DRG1: variants seen among roughly 807,000 people sequenced by gnomAD.
DRG1 encodes developmentally-regulated GTP-binding protein 1.
A neutral mutation model predicts 38.8 loss-of-function variants in DRG1; 19 were observed. The ratio of observed to expected loss-of-function variants is 0.49; its 90% CI spans 0.34 to 0.72. DRG1 has a LOEUF of 0.72. DRG1 is among the 30% of genes least tolerant of loss of function. The pLI is 0.01. For missense variants in DRG1, 299 were observed against 444.8 expected, an observed-to-expected ratio of 0.67 and a Z score of 2.95; for synonymous variants, 167 against 157.5, an observed-to-expected ratio of 1.06 and a Z score of -0.45.
intron 3 of DRG1, among the ~76,000 whole-genome samples, chr22:31,406,739 CTGT>C (rs911580833): frequency 2.0e-5 from 3 of 152,022 alleles, no homozygotes; most frequent in Non-Finnish European, 2.9e-5. Context: ...CCTGCTTCTC[CTGT>C]TGTTAACATC....
intron 4 of DRG1, among the ~76,000 whole-genome samples, chr22:31,415,171 A>G (rs2050037677): frequency 6.6e-6 from 1 of 152,172 alleles, no homozygotes; most frequent in Non-Finnish European, 1.5e-5. Context: ...CTTAAATTCT[A>G]TGTCTAATAT....
intron 4 of DRG1, among the ~76,000 whole-genome samples, chr22:31,411,353 T>C (rs2050017044): frequency 6.6e-6 from 1 of 151,964 alleles, no homozygotes; most frequent in African/African-American, 2.4e-5. Context: ...GAGTCTGTAT[T>C]GGACAATGCA....
chr22:31,434,427 T>TCGA lies in DRG1; in HGVS notation c.*456_*457insCGA, dbSNP rs984344828. 2.5e-5 allele frequency: 4 copies of TCGA among 158,988 alleles called. No individual in the cohort carries two copies. The highest frequency in any genetic ancestry group is 9.6e-5 in the African/African-American group (4 of 41,478). 9.8% of individuals were successfully genotyped at this position (158,988 alleles called of 1,614,324 possible). On this transcript the variant is annotated 3_prime_UTR_variant, in exon 9 of 9. Coordinates refer to ENST00000331457, the MANE Select transcript of DRG1 (RefSeq NM_004147.4). ...TACTGGAGAGAGGAAGGACTTTATG[T>TCGA]AAGTTAATTGATCACTCCCCGCAAG...
intron 5 of DRG1, among the ~76,000 whole-genome samples, chr22:31,422,138 G>A (rs1320631252): frequency 1.4e-5 from 2 of 147,864 alleles, no homozygotes; most frequent in East Asian, 4.1e-4. Context: ...AGAAAGAAAA[G>A]AAAAGAGAAT....
chr22:31,419,383 TCTTA>T (rs1187119041), intron 4 of DRG1, among the ~76,000 whole-genome samples: 8 of 151,488 alleles, frequency 5.3e-5, no homozygotes, highest in Non-Finnish European at 1.0e-4. Flanking sequence ...ACAGATTGAA[TCTTA>T]CTTTGTTGCA....
At chr22:31,408,752 CAAAA>C (rs66474618) in intron 3 of DRG1, among the ~76,000 whole-genome samples, 6 of 111,484 alleles carry the variant, frequency 5.4e-5, no homozygotes, top group Admixed American at 1.0e-4. Flanking sequence ...GACTCATTCT[CAAAA>C]AAAAAAAAAA....
chr22:31,406,597 C>T (rs1335548540), intron 3 of DRG1, among the ~76,000 whole-genome samples: 2 of 151,706 alleles, frequency 1.3e-5, no homozygotes, highest in Non-Finnish European at 2.9e-5. Context: ...ATTGCTTGAA[C>T]CTGGGAGGCA....
intron 2 of DRG1, among the ~76,000 whole-genome samples, chr22:31,401,606 A>G (rs982632402): frequency 5.4e-5 from 8 of 148,474 alleles, no homozygotes; most frequent in Non-Finnish European, 1.2e-4. Context: ...AAAAAAAAAA[A>G]GTATCCTAGC....
At chr22:31,422,626 A>G (rs1182375551) in intron 5 of DRG1, among the ~76,000 whole-genome samples, 1 of 152,218 alleles carries the variant, frequency 6.6e-6, no homozygotes, top group African/African-American at 2.4e-5. Context: ...AACACTTCAG[A>G]GCCCAGATGA....
chr22:31,422,008 G>A (rs1439296746), intron 5 of DRG1, among the ~76,000 whole-genome samples: 2 of 151,916 alleles, frequency 1.3e-5, no homozygotes, highest in Non-Finnish European at 2.9e-5. Flanking sequence ...TCAGCTACTC[G>A]GGAGGCTGAG....
chr22:31,427,758 A>G (rs1401710992), intron 8 of DRG1, among the ~76,000 whole-genome samples: 1 of 151,968 alleles, frequency 6.6e-6, no homozygotes, highest in Non-Finnish European at 1.5e-5. Flanking sequence ...TTTTTGAGAC[A>G]GTCTCGCTTT....
chr22:31,416,476 G>A (rs34545960), intron 4 of DRG1, among the ~76,000 whole-genome samples: 34,442 of 152,078 alleles, frequency 0.23, 5,021 homozygotes, highest in East Asian at 0.46. Flanking sequence ...CTGGCCGTCC[G>A]GGTGTGGTGG....
Position 31,426,747 on chromosome 22 carries a change from G to A in DRG1, c.846G>A (p.Leu282=), listed in dbSNP as rs139928686. The change falls in exon 7 of 9, where the codon TTG becomes TTA. Residue 282 remains leucine, a synonymous_variant. Transcript: ENST00000331457. ...ACCGCTGGAATTTTGATGACCTATT[G>A]GAAAAGATCTGGGACTATCTGAAAC... ...AHHRWNFDDL[L]EKIWDYLKLV... 106 of 1,613,964 alleles carry A rather than the reference G, an allele frequency of 6.6e-5. No homozygotes were observed. The African/African-American group carries it at 1.3e-3, about 20-fold the overall frequency.
intron 6 of DRG1, among the ~76,000 whole-genome samples, chr22:31,425,440 C>CTT (rs34249543): frequency 1.1e-4 from 15 of 137,206 alleles, no homozygotes; most frequent in Non-Finnish European, 1.4e-4. Flanking sequence ...TGATACATTA[C>CTT]TTTTTTTTTT....
chr22:31,416,764 A>G (rs1243479200), intron 4 of DRG1, among the ~76,000 whole-genome samples: 2 of 151,998 alleles, frequency 1.3e-5, no homozygotes, highest in East Asian at 3.9e-4. Flanking sequence ...TTAGCTGGGC[A>G]TGGTGGCGTG....
intron 4 of DRG1, among the ~76,000 whole-genome samples, chr22:31,415,564 G>A (rs574669204): frequency 3.3e-5 from 5 of 152,268 alleles, no homozygotes; most frequent in Admixed American, 1.3e-4. Context: ...GTTTCACCAT[G>A]TTGGCCAGGC....
intron 3 of DRG1, 42 bp downstream of exon 3, chr22:31,403,246 C>T: frequency 6.4e-7 from 1 of 1,551,398 alleles, no homozygotes; most frequent in Non-Finnish European, 8.7e-7. Context: ...GAAATCTATT[C>T]TTCATTTAGG....
chr22:31,418,301 GA>G (rs910933343), intron 4 of DRG1, among the ~76,000 whole-genome samples: 12 of 151,918 alleles, frequency 7.9e-5, no homozygotes, highest in Non-Finnish European at 1.2e-4. Context: ...TTAAAAAAAA[GA>G]AAAAAATAGC....
intron 6 of DRG1, among the ~76,000 whole-genome samples, chr22:31,426,142 G>A (rs1371057677): frequency 2.6e-5 from 4 of 152,134 alleles, no homozygotes; most frequent in African/African-American, 9.7e-5. Context: ...GACTTTCCTA[G>A]GGACACATAA....
Sources: gnomAD v4.1 joint callset for allele counts (sites outside exome capture counted in the v4.1 genomes callset) on GRCh38, gnomAD v4.1.1 for gene constraint, MANE v1.5 for transcripts, NCBI Gene and HGNC (gene_info 2026-07-23, HGNC 2026-07-21) for gene names.